Variants in UNC13C observed in about 807,000 individuals in gnomAD.
UNC13C encodes unc-13 homolog C.
Under a neutral mutation model 245.4 loss-of-function variants are expected in UNC13C, and 174 were observed. That is an observed-to-expected ratio of 0.71 (90% CI 0.63 to 0.80). UNC13C has a LOEUF of 0.80. Ranked by LOEUF, UNC13C falls within the 30% of genes least tolerant of loss-of-function variation. UNC13C has a pLI of 0.00. For missense variants in UNC13C, 2,829 were observed against 2,602.9 expected (o/e 1.09, Z -1.89); for synonymous variants, 992 against 895.1 (o/e 1.11, Z -1.93).
intron 24 of UNC13C, chr15:54,512,255 A>T (rs1430616774): frequency 4.6e-6 from 2 of 436,904 alleles, no homozygotes; most frequent in Admixed American, 5.1e-5. Context: ...TATTTTTCAC[A>T]TTGAGAAAGC....
At chr15:53,921,423 C>T in the UNC13C span, among the ~76,000 whole-genome samples, 1 of 152,102 alleles carries the variant, frequency 6.6e-6, no homozygotes, top group Non-Finnish European at 1.5e-5. Flanking sequence ...CAGTAAAAGA[C>T]ATTTCATTGT....
intron 20 of UNC13C, among the ~76,000 whole-genome samples, chr15:54,496,164 T>C (rs1173319914): frequency 6.6e-6 from 1 of 152,076 alleles, no homozygotes; most frequent in Non-Finnish European, 1.5e-5. Flanking sequence ...CAAAACAACA[T>C]GTTATACTTG....
At chr15:54,281,140 T>C (rs1443948109) in intron 10 of UNC13C, among the ~76,000 whole-genome samples, 1 of 152,152 alleles carries the variant, frequency 6.6e-6, no homozygotes, top group African/African-American at 2.4e-5. Context: ...TCCATATACT[T>C]ATACAGACTG....
rs2034051233 is a variant in UNC13C at position 54,187,957 on chromosome 15, C to A, written c.3071+44273C>A. On this transcript the variant is annotated intron_variant, in intron 4 of 32. Transcript: ENST00000260323. ...CCCAAGTAGCTGGGATTGCAGGCGC[C>A]CACCACCCCACCACCATGCACGGAT... Among the ~76,000 whole-genome samples the A allele has an allele frequency of 2.6e-5, 4 of 151,958 alleles. No individual in the cohort carries two copies. In the South Asian group the frequency reaches 8.3e-4, roughly 32 times the overall value.
chr15:54,114,710 A>C (rs7183271), intron 2 of UNC13C, among the ~76,000 whole-genome samples: 96,978 of 151,948 alleles, frequency 0.64, 30,938 homozygotes, highest in East Asian at 0.72. Context: ...TACCTAGAGG[A>C]AGAATTTTGG....
intron 4 of UNC13C, among the ~76,000 whole-genome samples, chr15:54,146,823 A>T (rs1322077316): frequency 1.3e-5 from 2 of 152,226 alleles, no homozygotes; most frequent in Admixed American, 1.3e-4. Context: ...GAGGTAGCAG[A>T]AGTAGGTGAG....
At chr15:53,954,980 G>A in the UNC13C span, among the ~76,000 whole-genome samples, 50,132 of 151,898 alleles carry the variant, frequency 0.33, 8,277 homozygotes, top group African/African-American at 0.35. Context: ...ATAATGCTAA[G>A]AAATGAGCTG....
At chr15:54,405,404 GA>G (rs2040270497) in intron 18 of UNC13C, among the ~76,000 whole-genome samples, 1 of 152,156 alleles carries the variant, frequency 6.6e-6, no homozygotes, top group Non-Finnish European at 1.5e-5. Context: ...CAAATATGCA[GA>G]TGGTATAGAC....
At chr15:54,468,962 T>G (rs948528796) in intron 19 of UNC13C, among the ~76,000 whole-genome samples, 9 of 151,628 alleles carry the variant, frequency 5.9e-5, no homozygotes, top group Non-Finnish European at 1.3e-4. Flanking sequence ...GTTTTCTCTA[T>G]TTCCGTGAAG....
intron 30 of UNC13C, among the ~76,000 whole-genome samples, chr15:54,610,799 T>C (rs998137590): frequency 1.3e-5 from 2 of 152,222 alleles, no homozygotes; most frequent in Non-Finnish European, 2.9e-5. Context: ...CCAGGCAGTA[T>C]GGCCCAGAGA....
chr15:54,268,251 G>C (rs1426847349), intron 10 of UNC13C, among the ~76,000 whole-genome samples: 1 of 151,608 alleles, frequency 6.6e-6, no homozygotes. Flanking sequence ...TAAAATCTAA[G>C]CCACTGTAAT....
chr15:54,292,804 G>T (rs1022761046), intron 10 of UNC13C, among the ~76,000 whole-genome samples: 9 of 150,614 alleles, frequency 6.0e-5, no homozygotes, highest in African/African-American at 2.2e-4. Context: ...TGCTGCTGTG[G>T]TTTGTTGCCT....
At chr15:54,055,940 C>G (rs1897494654) in intron 2 of UNC13C, among the ~76,000 whole-genome samples, 1 of 152,134 alleles carries the variant, frequency 6.6e-6, no homozygotes, top group African/African-American at 2.4e-5. Context: ...TGTGGGTACT[C>G]TCTTCACATC....
the UNC13C span, among the ~76,000 whole-genome samples, chr15:53,891,357 G>A: frequency 1.3e-5 from 2 of 152,160 alleles, no homozygotes; most frequent in African/African-American, 2.4e-5. Context: ...GGGGTGGAGA[G>A]TTCTGTGCAT....
At chr15:54,621,167 A>G (rs1900774794) in intron 30 of UNC13C, among the ~76,000 whole-genome samples, 1 of 152,190 alleles carries the variant, frequency 6.6e-6, no homozygotes. Context: ...ATAGAAACTG[A>G]AAGTCTTTCA....
chr15:54,460,111 C>T (rs1027160346), intron 19 of UNC13C, among the ~76,000 whole-genome samples: 3 of 152,160 alleles, frequency 2.0e-5, no homozygotes, highest in Non-Finnish European at 2.9e-5. Context: ...GGTGCTCTCC[C>T]CCTAGGAATG....
At chr15:54,462,018 A>G (rs779178366) in intron 19 of UNC13C, among the ~76,000 whole-genome samples, 6 of 152,282 alleles carry the variant, frequency 3.9e-5, no homozygotes, top group Non-Finnish European at 8.8e-5. Context: ...ACTTGAAGGT[A>G]TGACTAGTCA....
chr15:54,452,500 C>G (rs774475082), intron 19 of UNC13C, among the ~76,000 whole-genome samples: 7 of 152,172 alleles, frequency 4.6e-5, no homozygotes, highest in Non-Finnish European at 7.4e-5. Context: ...CCATCTTCAG[C>G]TGCTGAGAGG....
chr15:54,623,188 A>G (rs1367197067), intron 31 of UNC13C, among the ~76,000 whole-genome samples: 1 of 150,928 alleles, frequency 6.6e-6, no homozygotes. Flanking sequence ...GAGAATCTTC[A>G]TTTAGTATTT....
Sources: gnomAD v4.1 joint callset for allele counts (sites outside exome capture counted in the v4.1 genomes callset) on GRCh38, gnomAD v4.1.1 for gene constraint, MANE v1.5 for transcripts, NCBI Gene and HGNC (gene_info 2026-07-23, HGNC 2026-07-21) for gene names.